The following C2CD2 variants were observed in gnomAD, a reference collection of about 807,000 sequenced individuals.
C2CD2 encodes the protein C2 calcium dependent domain containing 2.
In C2CD2, 43 loss-of-function variants were observed where a neutral mutation model predicts 74.3. The observed-to-expected ratio is 0.58, with a 90% CI of 0.45 to 0.75. The LOEUF (loss-of-function observed/expected upper bound fraction) is 0.75. C2CD2 is among the 30% of genes least tolerant of loss of function. C2CD2 has a pLI of 0.00. For missense variants in C2CD2, 801 were observed against 916.3 expected (o/e 0.87, Z 1.63); for synonymous variants, 422 against 390.7 (o/e 1.08, Z -0.94).
At chr21:41,951,063 G>A (rs1009979398) in intron 1 of C2CD2, among the ~76,000 whole-genome samples, 8 of 152,138 alleles carry the variant, frequency 5.3e-5, no homozygotes, top group Non-Finnish European at 7.4e-5. Flanking sequence ...GGGCAGCCAC[G>A]AATGGACACA....
intron 2 of C2CD2, 98 bp from the exon 3 acceptor site, chr21:41,922,183 A>T: frequency 1.4e-6 from 1 of 698,746 alleles, no homozygotes; most frequent in Non-Finnish European, 2.5e-6. Flanking sequence ...TTTTGAGACA[A>T]GGTCTCACTC....
intron 13 of C2CD2, among the ~76,000 whole-genome samples, chr21:41,897,318 G>A (rs566869812): frequency 6.6e-6 from 1 of 152,308 alleles, no homozygotes; most frequent in South Asian, 2.1e-4. Flanking sequence ...CAGGACAAGA[G>A]GAAACGGGCC....
intron 3 of C2CD2, among the ~76,000 whole-genome samples, chr21:41,920,972 C>T (rs1305329113): frequency 6.6e-6 from 1 of 152,182 alleles, no homozygotes; most frequent in Non-Finnish European, 1.5e-5. Context: ...AGAGCATGAA[C>T]GCCTCACAAA....
At chr21:41,932,555 A>G (rs894944493) in intron 2 of C2CD2, among the ~76,000 whole-genome samples, 1 of 150,442 alleles carries the variant, frequency 6.6e-6, no homozygotes, top group African/African-American at 2.4e-5. Context: ...AAGTCTGAGT[A>G]ATGTCAGAAT....
In C2CD2 at chr21:41,926,714, T is replaced by C; in HGVS notation, c.379-4629A>G. The stretch of plus-strand genomic sequence containing the variant: ...TTCAGATCTCACTGTGCCCTTTCAC[T>C]TTCCTTTTCAATTAAGCTTCCTGTA... On this transcript the variant is annotated intron_variant, in intron 2 of 13. Coordinates refer to ENST00000380486, the MANE Select transcript of C2CD2 (RefSeq NM_015500.2). This position sits in a 1 kb window ranked among gnomAD's most constrained non-coding sequence, Gnocchi z 8.0. 5.4e-6 allele frequency: 4 copies of C among 736,084 alleles called. No individual in the cohort carries two copies. The highest frequency in any genetic ancestry group is 6.6e-6 in the Non-Finnish European group (4 of 602,240). The allele number at this position is 736,084 out of a possible 1,614,324, so 45.6% of individuals were successfully genotyped here.
chr21:41,948,689 G>T (rs2065422552), intron 1 of C2CD2, among the ~76,000 whole-genome samples: 5 of 151,938 alleles, frequency 3.3e-5, no homozygotes, highest in Admixed American at 2.0e-4. Context: ...TCTACCAACT[G>T]GCTTCCTACA....
intron 2 of C2CD2, among the ~76,000 whole-genome samples, chr21:41,934,459 C>G (rs1569078959): frequency 1.3e-5 from 2 of 152,168 alleles, no homozygotes. Context: ...CTTCCTAAGG[C>G]TGCTTTTCTG....
Position 41,888,378 on chromosome 21 carries a change from T to C in C2CD2, c.*746A>G, listed in dbSNP as rs4920102. 0.041 allele frequency: 6,322 copies of C among 152,678 alleles called. 222 individuals carry two copies. Among genetic ancestry groups the C allele is most frequent in the Middle Eastern group, 0.099 (29 of 294 alleles). 9.5% of individuals were successfully genotyped at this position (152,678 alleles called of 1,614,324 possible). On this transcript the variant is annotated 3_prime_UTR_variant, in exon 14 of 14. Coordinates refer to ENST00000380486, the MANE Select transcript of C2CD2 (RefSeq NM_015500.2). ...TGCTCCACTAGCATTATTAGAGCTTTTAACACGATAGAGAAAAATGTAAAA... is the reference window on the plus strand; with the variant it reads ...TGCTCCACTAGCATTATTAGAGCTTCTAACACGATAGAGAAAAATGTAAAA...
In C2CD2 at chr21:41,922,026, GGCA is replaced by G. The variant is rs1259285847; in HGVS notation, c.435_437del (p.Ala146del). On this transcript the variant is annotated inframe_deletion, in exon 3 of 14. Coordinates refer to ENST00000380486, the MANE Select transcript of C2CD2 (RefSeq NM_015500.2). ...CGTACAGCCGGCATCCAGCACCCAA[GGCA>G]GGCGTCTCGCTGACCAAGAACTGAA... 1 of 1,614,016 alleles carries G rather than the reference GGCA, an allele frequency of 6.2e-7. No homozygotes were observed. The highest frequency in any genetic ancestry group is 8.5e-7 in the Non-Finnish European group (1 of 1,179,986).
chr21:41,894,605 G>A (rs2064798755), intron 13 of C2CD2: 1 of 454,728 alleles, frequency 2.2e-6, no homozygotes, highest in South Asian at 1.6e-5. Flanking sequence ...GTCTCATGGA[G>A]CAAAGCCCCC....
At chr21:41,896,385 A>G (rs1303884523) in intron 13 of C2CD2, among the ~76,000 whole-genome samples, 2 of 152,152 alleles carry the variant, frequency 1.3e-5, no homozygotes, top group East Asian at 3.9e-4. Flanking sequence ...ACTGTGCAGG[A>G]TATTTGGCAA....
rs1165002580 is a variant in C2CD2, at chr21:41,887,550, GA to G, written c.*1573del. 3 of 147,690 alleles carry G rather than the reference GA, an allele frequency of 2.0e-5. No individual in the cohort carries two copies. Among genetic ancestry groups the G allele is most frequent in the Non-Finnish European group, 3.0e-5 (2 of 66,714 alleles). The allele number at this position is 147,690 out of a possible 1,614,324, so 9.1% of individuals were successfully genotyped here. A position where few individuals can be genotyped will look rare whatever the true frequency, so the allele number is the denominator to read the frequency against. ...TTTCATATAGGTTTTTACTAAAAAAGAAAAAATCCTATAATTTTGGTTTTTA... is the reference window on the plus strand; with the variant it reads ...TTTCATATAGGTTTTTACTAAAAAAGAAAAATCCTATAATTTTGGTTTTTA... On this transcript the variant is annotated 3_prime_UTR_variant, in exon 14 of 14. Coordinates refer to ENST00000380486, the MANE Select transcript of C2CD2 (RefSeq NM_015500.2).
chr21:41,894,307 G>A (rs1601544017), intron 13 of C2CD2, among the ~76,000 whole-genome samples: 3 of 152,238 alleles, frequency 2.0e-5, no homozygotes, highest in African/African-American at 7.2e-5. Flanking sequence ...CCTACCTATA[G>A]GATTTTAAGA....
chr21:41,907,176 A>G lies in C2CD2; in HGVS notation c.1144-10T>C. 3 of 1,613,092 alleles carry G rather than the reference A, an allele frequency of 1.9e-6. No homozygotes were observed. Among genetic ancestry groups the G allele is most frequent in the Non-Finnish European group, 2.5e-6 (3 of 1,179,014 alleles). On this transcript the variant is annotated splice_polypyrimidine_tract_variant and intron_variant, in intron 9 of 13. Coordinates refer to ENST00000380486, the MANE Select transcript of C2CD2 (RefSeq NM_015500.2). ...GTTCCATGTAAGAGAACTGCAGAGA[A>G]GACGCGTTACTTGTTTCTGGTTTTG...
chr21:41,953,153 T>C, intron 1 of C2CD2: 1 of 399,078 alleles, frequency 2.5e-6, no homozygotes, highest in Non-Finnish European at 4.4e-6. Flanking sequence ...CTGGAGCACC[T>C]GCCGTTTGGA....
Position 41,889,248 on chromosome 21 carries a change from AG to A in C2CD2, c.1966del (p.Leu656TrpfsTer18). 6.2e-7 allele frequency: 1 copy of A among 1,614,006 alleles called. No homozygotes were observed. Reference sequence around the variant, plus strand: ...CCTCCGGGAACCCTCTGGCTGCTCCAGGAACACAAGGTCATTGTGTGACTGA... The same window carrying A: ...CCTCCGGGAACCCTCTGGCTGCTCCAGAACACAAGGTCATTGTGTGACTGA... ...MSQSHNDLVFLEQPEGSRRKG... is the reference protein window; with the variant it reads ...MSQSHNDLVFXEQPEGSRRKG... On this transcript the variant is annotated frameshift_variant, in exon 14 of 14. Transcript: ENST00000380486. LOFTEE classifies it low-confidence loss of function (END_TRUNC).
At position 41,901,672 on chromosome 21, in the gene C2CD2, G is replaced by A. The variant is rs769824868; in HGVS notation, c.1510C>T (p.Leu504Phe). ...GTGCTTTTCTTCCGTGGCGACTTGAGTTTCAGCTTTGAAGATTCACTGAGC... is the reference window on the plus strand; with the variant it reads ...GTGCTTTTCTTCCGTGGCGACTTGAATTTCAGCTTTGAAGATTCACTGAGC... ...RQLSESSKLKLKSPRKKSTII... is the reference protein window; with the variant it reads ...RQLSESSKLKFKSPRKKSTII... The change falls in exon 12 of 14, where the codon CTC becomes TTC. Residue 504 changes from leucine to phenylalanine, a missense_variant. Coordinates refer to ENST00000380486, the MANE Select transcript of C2CD2 (RefSeq NM_015500.2). 17 of 1,614,154 alleles carry A rather than the reference G, an allele frequency of 1.1e-5. No homozygotes were observed. In the Middle Eastern group the frequency reaches 6.6e-4, roughly 63 times the overall value.
rs1180457580 is a variant in C2CD2 at position 41,914,718 on chromosome 21, A to G, written c.724T>C (p.Leu242=). 6.2e-7 allele frequency: 1 copy of G among 1,611,632 alleles called. No homozygotes were observed. The highest frequency in any genetic ancestry group is 8.5e-7 in the Non-Finnish European group (1 of 1,178,906). The change falls in exon 6 of 14, where the codon TTA becomes CTA. Residue 242 remains leucine, a synonymous_variant. Transcript: ENST00000380486. ...KPTTVKEAQN[L]QCAASTAQES... ...TGAGCAGTAGATGCAGCACACTGTAAGTTCTGAAAAAATAAAGAGCACTTT... is the reference window on the plus strand; with the variant it reads ...TGAGCAGTAGATGCAGCACACTGTAGGTTCTGAAAAAATAAAGAGCACTTT...
chr21:41,909,907 G>A (rs1325169581), intron 7 of C2CD2, among the ~76,000 whole-genome samples: 1 of 151,360 alleles, frequency 6.6e-6, no homozygotes, highest in Non-Finnish European at 1.5e-5. Flanking sequence ...CATATTGAAA[G>A]CACAGCTATA....
Sources: allele counts gnomAD v4.1 joint callset (sites outside exome capture counted in the v4.1 genomes callset), GRCh38; gene constraint gnomAD v4.1.1; non-coding constraint Gnocchi (gnomAD v3.1); transcripts MANE v1.5; gene names NCBI Gene and HGNC (gene_info 2026-07-23, HGNC 2026-07-21).